CCDC51: variants seen among roughly 807,000 people sequenced by gnomAD.
The protein encoded by CCDC51 is mitochondrial potassium channel.
In CCDC51, 25 loss-of-function variants were observed where a neutral mutation model predicts 24.8. The observed-to-expected ratio is 1.01, with a 90% CI of 0.73 to 1.41. The LOEUF (loss-of-function observed/expected upper bound fraction) is 1.41. CCDC51 is among the 40% of genes most tolerant of loss of function. The pLI, the probability that CCDC51 is intolerant of heterozygous loss-of-function variation, is 0.00. For missense variants in CCDC51, 466 were observed against 519.1 expected (o/e 0.90, Z 0.99); for synonymous variants, 190 against 204.3 (o/e 0.93, Z 0.60).
In CCDC51 at chr3:48,433,691, C is replaced by T. The variant is rs2039259104; in HGVS notation, c.477+16G>A. 1 of 1,610,300 alleles carries T rather than the reference C, an allele frequency of 6.2e-7. No homozygotes were observed. The highest frequency in any genetic ancestry group is 2.2e-5 in the East Asian group (1 of 44,812). On this transcript the variant is annotated intron_variant, in intron 3 of 3. Transcript: ENST00000395694. This position sits in a 1 kb window ranked among gnomAD's most constrained non-coding sequence, Gnocchi z 4.4. ...CACTGTCCAGGTGCGAAAGGGCTGC[C>T]TCCTGAGGTGCCTACCTGCAGCATC...
intron 2 of CCDC51, 135 bp downstream of exon 2, chr3:48,434,682 G>C: frequency 1.3e-6 from 1 of 763,122 alleles, no homozygotes; most frequent in Non-Finnish European, 2.1e-6. Context: ...CACCCCAGAA[G>C]CATCAAGCCC....
chr3:48,444,134 C>T (rs2039626044), upstream of CCDC51: 1 of 352,430 alleles, frequency 2.8e-6, no homozygotes, highest in African/African-American at 2.1e-5. Context: ...AGAATCTTGC[C>T]AGAGTCTGTT....
In CCDC51 at chr3:48,435,120, C is replaced by T; in HGVS notation, c.9G>A (p.Gly3=). 6.3e-7 allele frequency: 1 copy of T among 1,577,380 alleles called. No individual in the cohort carries two copies. The highest frequency in any genetic ancestry group is 1.2e-5 in the South Asian group (1 of 84,544). Residue 3 remains glycine (G), a synonymous_variant, in exon 2 of 4, where the codon GGG becomes GGA. Transcript: ENST00000395694. The surrounding 1 kb of genome is among the most constrained non-coding windows in gnomAD (Gnocchi z 4.2). ...GCTGCATGGCAAACCCAGGGCTGCG[C>T]CCCATCATCCTGAGATCTGTGAGGG... MM[G]RSPGFAMQHI... is the part of the protein sequence containing the mutation.
upstream of CCDC51, among the ~76,000 whole-genome samples, chr3:48,444,722 A>T (rs2039635256): frequency 6.6e-6 from 1 of 152,326 alleles, no homozygotes; most frequent in East Asian, 1.9e-4. Context: ...GTTGTCAAGG[A>T]ACTTCTCTAC....
upstream of CCDC51, chr3:48,443,768 C>G (rs2039619678): frequency 9.9e-6 from 12 of 1,214,644 alleles, no homozygotes; most frequent in Admixed American, 6.6e-5. Flanking sequence ...CCAGGCTTTA[C>G]TAAGGTCCAC....
upstream of CCDC51, chr3:48,440,588 CGAG>C (rs761139732): frequency 2.1e-5 from 34 of 1,611,642 alleles, no homozygotes; most frequent in Non-Finnish European, 2.7e-5. Flanking sequence ...AGAAGAAACT[CGAG>C]GAGCTAAAAG....
At chr3:48,438,085 T>C (rs1247030479) in intron 1 of CCDC51, 1 of 152,234 alleles carries the variant, frequency 6.6e-6, no homozygotes, top group African/African-American at 2.4e-5. Flanking sequence ...CATGCCATTT[T>C]TCACTCGGTT....
Position 48,437,497 on chromosome 3 carries a change from C to T in CCDC51, c.-8-2361G>A, listed in dbSNP as rs1045462582. Among the ~76,000 whole-genome samples the T allele has an allele frequency of 6.6e-6, 1 of 152,024 alleles. No individual in the cohort carries two copies. Among genetic ancestry groups the T allele is most frequent in the African/African-American group, 2.4e-5 (1 of 41,374 alleles). ...AGAAAAGGTGGAAAGTGCTTGAGGT[C>T]GCCCAAAACCTGAAAGGCAGTCAGT... is the stretch of plus-strand genomic sequence containing the variant. On this transcript the variant is annotated intron_variant, in intron 1 of 3. Coordinates refer to ENST00000395694, the MANE Select transcript of CCDC51 (RefSeq NM_001256964.2). The surrounding 1 kb of genome is among the most constrained non-coding windows in gnomAD (Gnocchi z 4.2).
upstream of CCDC51, chr3:48,444,026 T>C: frequency 3.2e-6 from 2 of 626,052 alleles, no homozygotes; most frequent in Non-Finnish European, 4.8e-6. Context: ...AATAAACTTT[T>C]GTAAAAAAAG....
At chr3:48,445,020 AT>A (rs1436831908), upstream of CCDC51, 1 of 152,250 alleles carries the variant, frequency 6.6e-6, no homozygotes, top group Non-Finnish European at 1.5e-5. Context: ...ATGTTTTAAA[AT>A]GCTTAGCTGG....
upstream of CCDC51, among the ~76,000 whole-genome samples, chr3:48,442,428 G>C (rs989052648): frequency 7.0e-6 from 1 of 142,582 alleles, no homozygotes; most frequent in East Asian, 2.0e-4. Context: ...CTTCTTTCCT[G>C]TATTAGGCAT....
intron 1 of CCDC51, chr3:48,438,320 G>GT (rs201217151): frequency 6.6e-6 from 1 of 151,798 alleles, no homozygotes; most frequent in Admixed American, 6.6e-5. Context: ...CAATAAAGTT[G>GT]TTTTTTTAAA....
upstream of CCDC51, chr3:48,440,633 G>T (rs890204485): frequency 3.7e-6 from 6 of 1,610,150 alleles, no homozygotes; most frequent in Non-Finnish European, 5.1e-6. Flanking sequence ...CCTTGGGTAA[G>T]TGGGGGCCGA....
Position 48,437,442 on chromosome 3 carries a change from C to T in CCDC51, c.-8-2306G>A, listed in dbSNP as rs777077721. Among the ~76,000 whole-genome samples the T allele has an allele frequency of 3.3e-5, 5 of 152,048 alleles. No homozygotes were observed. Among genetic ancestry groups the T allele is most frequent in the Non-Finnish European group, 5.9e-5 (4 of 68,024 alleles). On this transcript the variant is annotated intron_variant, in intron 1 of 3. Transcript: ENST00000395694. This position sits in a 1 kb window ranked among gnomAD's most constrained non-coding sequence, Gnocchi z 4.2. ...CTTAGATGTTTCACAGGCCCCCCAACCAGCAAGGAGAAGAATGTTCCTGGC... is the reference window on the plus strand; with the variant it reads ...CTTAGATGTTTCACAGGCCCCCCAATCAGCAAGGAGAAGAATGTTCCTGGC...
rs1456930467 is a variant in CCDC51 at position 48,432,775 on chromosome 3, G to A, written c.869C>T (p.Pro290Leu). The change falls in exon 4 of 4, where the codon CCG becomes CTG. Residue 290 changes from proline to leucine, a missense_variant. Pro to Leu is a moderately conservative substitution (Grantham distance 98). Transcript: ENST00000395694. ...GACATCTACATCTCTGTCTCTGGTC[G>A]GGGGACTACCTGCCTGTGACCCAGA... is the stretch of plus-strand genomic sequence containing the variant. ...QDSGSQAGSPPTRDRDVDVLS... is the reference protein window; with the variant it reads ...QDSGSQAGSPLTRDRDVDVLS... The A allele has an allele frequency of 1.5e-5, 25 of 1,614,000 alleles. No individual in the cohort carries two copies. The highest frequency in any genetic ancestry group is 2.0e-5 in the Non-Finnish European group (24 of 1,180,050).
the CCDC51 span, chr3:48,446,590 A>C: frequency 2.9e-6 from 1 of 344,328 alleles, no homozygotes; most frequent in South Asian, 1.3e-4. Context: ...GTCGCGCCGC[A>C]CTGAGTCCTT....
At position 48,435,265 on chromosome 3, in the gene CCDC51, G is replaced by C. The variant is rs2039317099; in HGVS notation, c.-8-129C>G. Reference sequence around the variant, plus strand: ...AATCATCTAAACTGAGCACCACCCTGTTGGGCCCAGAGACTGTGGCCCCTG... The same window carrying C: ...AATCATCTAAACTGAGCACCACCCTCTTGGGCCCAGAGACTGTGGCCCCTG... On this transcript the variant is annotated intron_variant, in intron 1 of 3. Transcript: ENST00000395694. This position sits in a 1 kb window ranked among gnomAD's most constrained non-coding sequence, Gnocchi z 4.2. The C allele has an allele frequency of 9.3e-6, 7 of 752,552 alleles. No individual in the cohort carries two copies. Among genetic ancestry groups the C allele is most frequent in the Non-Finnish European group, 1.2e-5 (6 of 486,172 alleles). The allele number at this position is 752,552 out of a possible 1,614,324, so 46.6% of individuals were successfully genotyped here.
upstream of CCDC51, chr3:48,440,965 A>T (rs1450487160): frequency 2.4e-6 from 1 of 413,338 alleles, no homozygotes; most frequent in Non-Finnish European, 4.4e-6. Context: ...CCAAATTCGT[A>T]TTTCACTGCC....
In CCDC51 at chr3:48,435,089, C is replaced by T. The variant is rs370210487; in HGVS notation, c.40G>A (p.Val14Met). 2.5e-6 allele frequency: 4 copies of T among 1,606,306 alleles called. No individual in the cohort carries two copies. Among genetic ancestry groups the T allele is most frequent in the Middle Eastern group, 1.7e-4 (1 of 6,028 alleles). Reference sequence around the variant, plus strand: ...CGAACCAGTACGTGGGGCACACCCACGATGTGCTGCATGGCAAACCCAGGG... The same window carrying T: ...CGAACCAGTACGTGGGGCACACCCATGATGTGCTGCATGGCAAACCCAGGG... ...RSPGFAMQHI[V>M]GVPHVLVRRG... Residue 14 changes from valine (V) to methionine (M), a missense_variant, in exon 2 of 4, where the codon GTG (valine) becomes ATG (methionine). Physicochemically the swap from Val to Met is conservative, Grantham distance 21. Coordinates refer to ENST00000395694, the MANE Select transcript of CCDC51 (RefSeq NM_001256964.2). This position sits in a 1 kb window ranked among gnomAD's most constrained non-coding sequence, Gnocchi z 4.2.
Sources: allele counts gnomAD v4.1 joint callset (sites outside exome capture counted in the v4.1 genomes callset), GRCh38; gene constraint gnomAD v4.1.1; non-coding constraint Gnocchi (gnomAD v3.1); transcripts MANE v1.5; gene names NCBI Gene and HGNC (gene_info 2026-07-23, HGNC 2026-07-21).